KCNIP4: variants seen among roughly 807,000 people sequenced by gnomAD.
KCNIP4 encodes potassium voltage-gated channel interacting protein 4.
KCNIP4 carries 12 observed loss-of-function variants against 34.0 expected under a neutral mutation model. The ratio of observed to expected loss-of-function variants is 0.35; its 90% CI spans 0.23 to 0.57. KCNIP4 has a LOEUF of 0.57. Among genes scored for constraint, KCNIP4 ranks in the 20% least tolerant of loss-of-function variants. The pLI, the probability that KCNIP4 is intolerant of heterozygous loss-of-function variation, is 0.83. For missense variants in KCNIP4, 238 were observed against 311.7 expected (o/e 0.76, Z 1.78); for synonymous variants, 124 against 102.2 (o/e 1.21, Z -1.29).
intron 1 of KCNIP4, among the ~76,000 whole-genome samples, chr4:20,889,767 C>A (rs7680048): frequency 0.2 from 22,646 of 113,322 alleles, 1,942 homozygotes; most frequent in East Asian, 0.29. Context: ...ACTGGAAGTT[C>A]AAAAAAAAAA....
At chr4:20,794,367 C>G (rs1713175279) in intron 3 of KCNIP4, among the ~76,000 whole-genome samples, 1 of 152,146 alleles carries the variant, frequency 6.6e-6, no homozygotes, top group South Asian at 2.1e-4. Flanking sequence ...GCTGGCCACT[C>G]ACCTCCTGCT....
chr4:21,283,000 T>C (rs180723220), intron 1 of KCNIP4, among the ~76,000 whole-genome samples: 15 of 152,260 alleles, frequency 9.9e-5, no homozygotes, highest in African/African-American at 3.6e-4. Flanking sequence ...TATTTAGCAA[T>C]AAAAGACTGA....
intron 1 of KCNIP4, among the ~76,000 whole-genome samples, chr4:21,620,767 T>G (rs1045552249): frequency 1.3e-5 from 2 of 152,216 alleles, no homozygotes; most frequent in African/African-American, 4.8e-5. Flanking sequence ...TCCCCTACTT[T>G]TCTTGCTCTA....
intron 1 of KCNIP4, among the ~76,000 whole-genome samples, chr4:21,676,474 A>G (rs1411015961): frequency 6.6e-6 from 1 of 152,186 alleles, no homozygotes; most frequent in East Asian, 1.9e-4. Flanking sequence ...TGAACAGGAG[A>G]TCCTACTTTC....
intron 1 of KCNIP4, among the ~76,000 whole-genome samples, chr4:21,042,017 T>C (rs1247112863): frequency 1.3e-5 from 2 of 152,192 alleles, no homozygotes; most frequent in Admixed American, 1.3e-4. Context: ...CCCAGGCATG[T>C]GCAAGCAGCC....
chr4:21,582,148 T>C (rs1335612461), intron 1 of KCNIP4: 1 of 146,912 alleles, frequency 6.8e-6, no homozygotes, highest in African/African-American at 2.5e-5. Flanking sequence ...TTTGAAATCA[T>C]TTATTACAAT....
intron 1 of KCNIP4, among the ~76,000 whole-genome samples, chr4:21,262,033 A>G (rs1761503728): frequency 6.6e-6 from 1 of 152,218 alleles, no homozygotes; most frequent in African/African-American, 2.4e-5. Context: ...CCCCAGTCTT[A>G]TCTCATAATG....
intron 1 of KCNIP4, among the ~76,000 whole-genome samples, chr4:21,271,045 C>T (rs1762117962): frequency 1.3e-5 from 2 of 150,934 alleles, no homozygotes; most frequent in Non-Finnish European, 3.0e-5. Context: ...GCTCTATCCA[C>T]TTATTTTTTC....
intron 1 of KCNIP4, among the ~76,000 whole-genome samples, chr4:21,116,713 T>C (rs79842558): frequency 0.14 from 21,769 of 152,212 alleles, 1,762 homozygotes; most frequent in East Asian, 0.23. Flanking sequence ...AGCAGATTAT[T>C]TGCAGGCCAT....
In KCNIP4 at chr4:20,732,767, T is replaced by G; in HGVS notation, c.556A>C (p.Lys186Gln). The G allele has an allele frequency of 6.2e-7, 1 of 1,605,982 alleles. No individual in the cohort carries two copies. Among genetic ancestry groups the G allele is most frequent in the South Asian group, 1.1e-5 (1 of 90,892 alleles). The change falls in exon 7 of 9, where the codon AAA becomes CAA. Residue 186 changes from lysine to glutamine, a missense_variant. Physicochemically the swap from Lys to Gln is moderately conservative, Grantham distance 53 (BLOSUM62 1). Transcript: ENST00000382152. Reference protein sequence around the residue: ...ITKEEMLDIMKAIYDMMGKCT... With the variant: ...ITKEEMLDIMQAIYDMMGKCT... ...TTACCCATCATATCGTATATTGCTT[T>G]CATTATATCAAGCATTTCCTGAAAA... is the stretch of plus-strand genomic sequence containing the variant.
chr4:21,379,781 T>C (rs549733453), intron 1 of KCNIP4, among the ~76,000 whole-genome samples: 1 of 152,318 alleles, frequency 6.6e-6, no homozygotes, highest in South Asian at 2.1e-4. Context: ...GAAAGATTCA[T>C]GCTTGGCCTT....
At chr4:21,041,185 A>C (rs1334124468) in intron 1 of KCNIP4, among the ~76,000 whole-genome samples, 1 of 151,814 alleles carries the variant, frequency 6.6e-6, no homozygotes, top group Non-Finnish European at 1.5e-5. Flanking sequence ...TGAGCATGTG[A>C]CATGTGGTAG....
rs1203011253 is a variant in KCNIP4 at position 21,070,663 on chromosome 4, ATTTTTTTTTTTT to A, written c.62-187966_62-187955del. On this transcript the variant is annotated intron_variant, in intron 1 of 8. Transcript: ENST00000382152. ...TCTGTTTTTACTGTTGAGTTTTGAG[ATTTTTTTTTTTT>A]TTTTTTTTTTTTTTTTTTGAGACAG... is the stretch of plus-strand genomic sequence containing the variant. Among the ~76,000 whole-genome samples, 360 of 49,624 alleles carry A rather than the reference ATTTTTTTTTTTT, an allele frequency of 7.3e-3. 1 individual carries two copies. Among genetic ancestry groups the A allele is most frequent in the African/African-American group, 0.028 (331 of 11,860 alleles). The allele number at this position is 49,624 out of a possible 152,430, so 32.6% of individuals were successfully genotyped here.
chr4:20,733,190 A>G (rs1034988844), intron 6 of KCNIP4, among the ~76,000 whole-genome samples: 2 of 152,204 alleles, frequency 1.3e-5, no homozygotes, highest in Admixed American at 6.5e-5. Flanking sequence ...GTATATTGAG[A>G]AAAAACACCA....
intron 1 of KCNIP4, among the ~76,000 whole-genome samples, chr4:20,991,006 T>A (rs1737036345): frequency 1.3e-5 from 2 of 152,216 alleles, no homozygotes; most frequent in African/African-American, 4.8e-5. Context: ...AATATCTCAA[T>A]AGAATAACTA....
intron 1 of KCNIP4, among the ~76,000 whole-genome samples, chr4:21,322,650 C>T (rs1714624803): frequency 6.6e-6 from 1 of 151,892 alleles, no homozygotes. Context: ...TAAATGGTGA[C>T]ATGGTGAAAA....
At chr4:21,086,702 T>A (rs1013022042) in intron 1 of KCNIP4, among the ~76,000 whole-genome samples, 21 of 152,304 alleles carry the variant, frequency 1.4e-4, no homozygotes, top group African/African-American at 4.6e-4. Context: ...AGAAAAATTC[T>A]TCTATCTATG....
At chr4:20,735,905 A>G (rs907410388) in intron 5 of KCNIP4, among the ~76,000 whole-genome samples, 2 of 152,208 alleles carry the variant, frequency 1.3e-5, no homozygotes, top group African/African-American at 4.8e-5. Context: ...ATCCACTTTT[A>G]GGTAGGAATG....
At chr4:20,988,923 C>T (rs116831833) in intron 1 of KCNIP4, among the ~76,000 whole-genome samples, 15 of 152,296 alleles carry the variant, frequency 9.8e-5, no homozygotes, top group Middle Eastern at 3.4e-3. Context: ...GGCAGAAAGT[C>T]GGCACCAGTG....
Sources: gnomAD v4.1 joint callset for allele counts (sites outside exome capture counted in the v4.1 genomes callset) on GRCh38, gnomAD v4.1.1 for gene constraint, MANE v1.5 for transcripts, NCBI Gene and HGNC (gene_info 2026-07-23, HGNC 2026-07-21) for gene names.